ACTR3B: variants seen among roughly 807,000 people sequenced by gnomAD.
The protein encoded by ACTR3B is actin-related protein 3B.
In ACTR3B, 8 loss-of-function variants were observed where a neutral mutation model predicts 59.0. The ratio of observed to expected loss-of-function variants is 0.14; its 90% CI spans 0.08 to 0.24. The LOEUF (loss-of-function observed/expected upper bound fraction) is 0.24, where lower values mean the gene tolerates loss of function less well. Among genes scored for constraint, ACTR3B ranks in the 10% least tolerant of loss-of-function variants. The pLI is 1.00. For synonymous variants in ACTR3B, 148 were observed against 197.9 expected (o/e 0.75, Z 2.12); for missense variants, 245 against 552.3 (o/e 0.44, Z 5.58).
At chr7:152,821,130 C>G (rs1796115231) in intron 7 of ACTR3B, among the ~76,000 whole-genome samples, 1 of 152,060 alleles carries the variant, frequency 6.6e-6, no homozygotes, top group African/African-American at 2.4e-5. Flanking sequence ...GAAGGGGGCT[C>G]TCAGCGCTGA....
In ACTR3B at chr7:152,854,538, T is replaced by C. The variant is rs762283697; in HGVS notation, c.1242T>C (p.Phe414=). ...GCATCTGCCGCCACAACCCCGTCTT[T>C]GGAGTCATGTCCTAGTGTCTGCCTG... ...GPSICRHNPV[F]GVMS is the part of the protein sequence containing the mutation. Residue 414 remains phenylalanine (F), a synonymous_variant, in exon 12 of 12, where the codon TTT becomes TTC. Transcript: ENST00000256001. This position sits in a 1 kb window ranked among gnomAD's most constrained non-coding sequence, Gnocchi z 4.9. 5 of 1,614,094 alleles carry C rather than the reference T, an allele frequency of 3.1e-6. No individual in the cohort carries two copies. In the Admixed American group the frequency reaches 5.0e-5, roughly 16 times the overall value.
In ACTR3B at chr7:152,759,890, G is replaced by C. The variant is rs1421849087; in HGVS notation, c.8G>C (p.Gly3Ala). The C allele has an allele frequency of 1.5e-6, 2 of 1,366,832 alleles. No individual in the cohort carries two copies. Among genetic ancestry groups the C allele is most frequent in the African/African-American group, 1.5e-5 (1 of 67,022 alleles). The allele number at this position is 1,366,832 out of a possible 1,614,324, so 84.7% of individuals were successfully genotyped here. ...GCGCCGCGCGTCCCGAGCATGGCAG[G>C]CTCCCTGCCTCCCTGCGTGGTGGAC... The part of the protein sequence containing the change: MA[G>A]SLPPCVVDCG... The change falls in exon 1 of 12, where the codon GGC (glycine) becomes GCC (alanine). Residue 3 changes from glycine (G) to alanine (A), a missense_variant. Coordinates refer to ENST00000256001, the MANE Select transcript of ACTR3B (RefSeq NM_020445.6).
At chr7:152,853,271 C>CG (rs1798977029) in intron 10 of ACTR3B, among the ~76,000 whole-genome samples, 2 of 151,538 alleles carry the variant, frequency 1.3e-5, no homozygotes, top group Admixed American at 1.3e-4. Flanking sequence ...TGCTGCTTGC[C>CG]GGGTGCACTG....
At chr7:152,853,626 T>C (rs941305842) in intron 11 of ACTR3B, 49 bp downstream of exon 11, 1 of 1,541,638 alleles carries the variant, frequency 6.5e-7, no homozygotes, top group Admixed American at 1.8e-5. Context: ...GTGCTCTCGG[T>C]TGAGTTTGGG....
At chr7:152,834,856 G>C (rs1429982314) in intron 9 of ACTR3B, among the ~76,000 whole-genome samples, 1 of 152,194 alleles carries the variant, frequency 6.6e-6, no homozygotes, top group East Asian at 1.9e-4. Flanking sequence ...CTAAAATGCT[G>C]ACCTGGCTTA....
intron 4 of ACTR3B, among the ~76,000 whole-genome samples, chr7:152,803,952 G>A (rs945559121): frequency 1.3e-5 from 2 of 152,112 alleles, no homozygotes; most frequent in Admixed American, 1.3e-4. Context: ...TAGTTAAAGG[G>A]GAGTGAACCA....
intron 1 of ACTR3B, among the ~76,000 whole-genome samples, chr7:152,764,400 A>G (rs2098101251): frequency 6.6e-6 from 1 of 152,036 alleles, no homozygotes; most frequent in African/African-American, 2.4e-5. Flanking sequence ...GAGGCCGAGG[A>G]TGTGGATCAC....
chr7:152,851,546 A>G (rs1037551769), intron 9 of ACTR3B, among the ~76,000 whole-genome samples: 1 of 152,218 alleles, frequency 6.6e-6, no homozygotes, highest in Non-Finnish European at 1.5e-5. Context: ...GGTTCTGGGC[A>G]GGCGGAGCGG....
chr7:152,828,131 G>A (rs575031208), intron 9 of ACTR3B, among the ~76,000 whole-genome samples: 2 of 152,202 alleles, frequency 1.3e-5, no homozygotes, highest in Admixed American at 6.5e-5. Flanking sequence ...ACTTATGGAA[G>A]CCTCGTTCTA....
rs771970905 is a variant in ACTR3B, at chr7:152,854,569, G to A, written c.*16G>A. On this transcript the variant is annotated 3_prime_UTR_variant, in exon 12 of 12. Coordinates refer to ENST00000256001, the MANE Select transcript of ACTR3B (RefSeq NM_020445.6). The surrounding 1 kb of genome is among the most constrained non-coding windows in gnomAD (Gnocchi z 4.9). ...CATGTCCTAGTGTCTGCCTGAACGC[G>A]TCGTTCGATGGTGTCACGTTGGGGA... The A allele has an allele frequency of 4.4e-5, 71 of 1,611,406 alleles. No individual in the cohort carries two copies. The highest frequency in any genetic ancestry group is 3.5e-4 in the Middle Eastern group (2 of 5,752).
chr7:152,847,972 T>C (rs985188745), intron 9 of ACTR3B, among the ~76,000 whole-genome samples: 2 of 152,248 alleles, frequency 1.3e-5, no homozygotes, highest in Admixed American at 6.5e-5. Context: ...GAGTGAATAC[T>C]GAAGGAATGC....
chr7:152,842,328 A>G (rs998054183), intron 9 of ACTR3B, among the ~76,000 whole-genome samples: 11 of 152,280 alleles, frequency 7.2e-5, no homozygotes, highest in African/African-American at 1.7e-4. Context: ...GGCAGGTGGC[A>G]TATACGGTGT....
At chr7:152,795,534 ACTTTTCATTT>A (rs2098213240) in intron 2 of ACTR3B, among the ~76,000 whole-genome samples, 1 of 152,204 alleles carries the variant, frequency 6.6e-6, no homozygotes, top group African/African-American at 2.4e-5. Flanking sequence ...TACCTTGAAA[ACTTTTCATTT>A]GGAAATGAGG....
At position 152,834,455 on chromosome 7, in the gene ACTR3B, T is replaced by A. The variant is rs564875486; in HGVS notation, c.951+9333T>A. Among the ~76,000 whole-genome samples, 28 of 152,358 alleles carry A rather than the reference T, an allele frequency of 1.8e-4. No individual in the cohort carries two copies. In the South Asian group the frequency reaches 3.5e-3, roughly 19 times the overall value. ...AAGTGTGAGCCACCGCGCCCGGTTGTCGCTGTTTATGTTATTACTTCATCT... is the reference window on the plus strand; with the variant it reads ...AAGTGTGAGCCACCGCGCCCGGTTGACGCTGTTTATGTTATTACTTCATCT... On this transcript the variant is annotated intron_variant, in intron 9 of 11. Transcript: ENST00000256001.
At chr7:152,822,583 A>C (rs1590369501) in intron 7 of ACTR3B, among the ~76,000 whole-genome samples, 2 of 152,054 alleles carry the variant, frequency 1.3e-5, no homozygotes, top group South Asian at 2.1e-4. Flanking sequence ...GGGACCTATC[A>C]CTTTATAACC....
chr7:152,765,593 T>TA (rs2098107217), intron 1 of ACTR3B, among the ~76,000 whole-genome samples: 1 of 151,934 alleles, frequency 6.6e-6, no homozygotes, highest in African/African-American at 2.4e-5. Flanking sequence ...ATGCAACATT[T>TA]AAAAAAATCT....
At chr7:152,777,137 A>G (rs1485164774) in intron 1 of ACTR3B, among the ~76,000 whole-genome samples, 1 of 152,016 alleles carries the variant, frequency 6.6e-6, no homozygotes, top group Non-Finnish European at 1.5e-5. Flanking sequence ...AGCTAATGTG[A>G]CCCTTTATAA....
intron 2 of ACTR3B, among the ~76,000 whole-genome samples, chr7:152,789,411 A>G (rs2098187121): frequency 6.6e-6 from 1 of 150,752 alleles, no homozygotes; most frequent in Non-Finnish European, 1.5e-5. Flanking sequence ...CAAAACCCCA[A>G]GACAACTCTT....
At chr7:152,788,886 G>A (rs1311035597) in intron 2 of ACTR3B, among the ~76,000 whole-genome samples, 1 of 152,184 alleles carries the variant, frequency 6.6e-6, no homozygotes, top group South Asian at 2.1e-4. Context: ...AGCCGGATGT[G>A]GTGGCTCACA....
Sources: allele counts gnomAD v4.1 joint callset (sites outside exome capture counted in the v4.1 genomes callset), GRCh38; gene constraint gnomAD v4.1.1; non-coding constraint Gnocchi (gnomAD v3.1); transcripts MANE v1.5; gene names NCBI Gene and HGNC (gene_info 2026-07-23, HGNC 2026-07-21).